LAMA3: variants seen among roughly 807,000 people sequenced by gnomAD.
LAMA3 encodes the protein laminin subunit alpha-3.
LAMA3 carries 281 observed loss-of-function variants against 402.0 expected under a neutral mutation model. The ratio of observed to expected loss-of-function variants is 0.70; its 90% CI spans 0.63 to 0.77. The LOEUF (loss-of-function observed/expected upper bound fraction) is 0.77, where lower values mean the gene tolerates loss of function less well. Among genes scored for constraint, LAMA3 ranks in the 30% least tolerant of loss-of-function variants. The pLI, the probability that LAMA3 is intolerant of heterozygous loss-of-function variation, is 0.00. For synonymous variants in LAMA3, 1,431 were observed against 1,558.4 expected (o/e 0.92, Z 1.93); for missense variants, 3,840 against 4,215.5 (o/e 0.91, Z 2.47).
At chr18:23,780,864 T>C (rs2062423554) in intron 11 of LAMA3, among the ~76,000 whole-genome samples, 1 of 152,162 alleles carries the variant, frequency 6.6e-6, no homozygotes, top group Non-Finnish European at 1.5e-5. Flanking sequence ...TGTCAAGGGA[T>C]TTAAAACTGG....
At chr18:23,911,014 C>CGCAGAGACTCAGAGA (rs1555735991) in intron 55 of LAMA3, among the ~76,000 whole-genome samples, 2 of 150,508 alleles carry the variant, frequency 1.3e-5, no homozygotes, top group African/African-American at 4.9e-5. Context: ...CCAGTTCTGT[C>CGCAGAGACTCAGAGA]AGTCATGTTC....
intron 25 of LAMA3, among the ~76,000 whole-genome samples, chr18:23,838,473 A>G (rs948234250): frequency 2.0e-5 from 3 of 152,216 alleles, no homozygotes; most frequent in African/African-American, 7.2e-5. Flanking sequence ...ACAGAAAAAA[A>G]CAGGCACTGG....
chr18:23,750,432 GTTTTTTTTTTTTTTTTTT>G (rs66582854), intron 4 of LAMA3, among the ~76,000 whole-genome samples: 28 of 33,028 alleles, frequency 8.5e-4, no homozygotes, highest in East Asian at 2.0e-3. Context: ...GGTTTACACA[GTTTTTTTTTTTTTTTTTT>G]TTTTTTTTTT....
intron 34 of LAMA3, 66 bp from the exon 35 acceptor site, chr18:23,861,580 C>G: frequency 1.3e-6 from 2 of 1,568,060 alleles, no homozygotes; most frequent in Non-Finnish European, 1.8e-6. Flanking sequence ...GTACATCATG[C>G]ACCCATCACC....
chr18:23,914,991 G>A, intron 58 of LAMA3, 131 bp downstream of exon 58: 1 of 804,406 alleles, frequency 1.2e-6, no homozygotes, highest in East Asian at 2.7e-5. Context: ...ACATTCTAGA[G>A]ATACTAGCTA....
Position 23,690,024 on chromosome 18 carries a change from G to T in LAMA3, c.294+47G>T, listed in dbSNP as rs117044923. ...GGGGTGGGCGCGCCTTTTCCTTCCC[G>T]CGCCGGCCAGACACCCGGAGAAGGG... On this transcript the variant is annotated intron_variant, in intron 1 of 74. Coordinates refer to ENST00000313654, the MANE Select transcript of LAMA3 (RefSeq NM_198129.4). 37,581 of 1,330,512 alleles carry T rather than the reference G, an allele frequency of 0.028. 1,508 individuals carry two copies. The highest frequency in any genetic ancestry group is 0.2 in the Admixed American group (6,372 of 32,160). 82.4% of individuals were successfully genotyped at this position (1,330,512 alleles called of 1,614,324 possible).
chr18:23,871,183 A>T (rs2064506472), intron 37 of LAMA3, among the ~76,000 whole-genome samples: 1 of 152,128 alleles, frequency 6.6e-6, no homozygotes, highest in African/African-American at 2.4e-5. Context: ...GACACTGGGA[A>T]TTTTATTTCA....
At chr18:23,706,988 G>T (rs969906472) in intron 1 of LAMA3, among the ~76,000 whole-genome samples, 1 of 152,220 alleles carries the variant, frequency 6.6e-6, no homozygotes, top group African/African-American at 2.4e-5. Context: ...TGAGGCAGGA[G>T]AATCACTTAA....
chr18:23,920,703 T>C (rs1040523915), intron 60 of LAMA3, among the ~76,000 whole-genome samples: 1 of 152,162 alleles, frequency 6.6e-6, no homozygotes, highest in Non-Finnish European at 1.5e-5. Flanking sequence ...ATAGCTAGCA[T>C]TTATTGTGTC....
At chr18:23,831,531 C>G (rs190528191) in intron 23 of LAMA3, among the ~76,000 whole-genome samples, 11 of 152,236 alleles carry the variant, frequency 7.2e-5, no homozygotes, top group African/African-American at 1.9e-4. Context: ...TTCAAGGAAG[C>G]CTTCCGCTCT....
rs758233084 is a variant in LAMA3 at position 23,775,907 on chromosome 18, T to C, written c.1389T>C (p.Asn463=). Residue 463 remains asparagine, a synonymous_variant, in exon 10 of 75, where the codon AAT becomes AAC. Transcript: ENST00000313654. ...AGAAGTGTGCAATTGGATACTACAATTTCCCATTTTGCTTGAGTAAGTACC... is the reference window on the plus strand; with the variant it reads ...AGAAGTGTGCAATTGGATACTACAACTTCCCATTTTGCTTGAGTAAGTACC... ...NCEKCAIGYY[N]FPFCLRIPIF... is the part of the protein sequence containing the mutation. 6.2e-6 allele frequency: 10 copies of C among 1,614,012 alleles called. No individual in the cohort carries two copies. The highest frequency in any genetic ancestry group is 1.3e-5 in the African/African-American group (1 of 74,916).
chr18:23,704,931 G>T (rs2060858429), intron 1 of LAMA3, among the ~76,000 whole-genome samples: 1 of 152,174 alleles, frequency 6.6e-6, no homozygotes, highest in African/African-American at 2.4e-5. Flanking sequence ...AAAAAGGGTA[G>T]GTCATTCTGT....
chr18:23,847,840 C>T (rs2063854962), intron 32 of LAMA3, among the ~76,000 whole-genome samples, 172 bp downstream of exon 32: 1 of 152,214 alleles, frequency 6.6e-6, no homozygotes, highest in Non-Finnish European at 1.5e-5. Flanking sequence ...TGATTGGTCC[C>T]TTAGGCTCAG....
intron 7 of LAMA3, among the ~76,000 whole-genome samples, chr18:23,762,184 C>T (rs1381335620): frequency 6.6e-6 from 1 of 151,932 alleles, no homozygotes; most frequent in Non-Finnish European, 1.5e-5. Context: ...CCACTACACT[C>T]CATCTGGGTG....
At chr18:23,903,408 C>T (rs925347604) in intron 49 of LAMA3, among the ~76,000 whole-genome samples, 3 of 152,158 alleles carry the variant, frequency 2.0e-5, no homozygotes, top group African/African-American at 4.8e-5. Context: ...ATCAAGCATA[C>T]AAGCATTTAT....
At chr18:23,712,817 C>G (rs886798137) in intron 1 of LAMA3, among the ~76,000 whole-genome samples, 13 of 151,388 alleles carry the variant, frequency 8.6e-5, no homozygotes, top group African/African-American at 2.9e-4. Flanking sequence ...ACAGCACATT[C>G]CTTGGGAGGC....
chr18:23,700,087 T>C (rs2060764279), intron 1 of LAMA3, among the ~76,000 whole-genome samples: 1 of 152,202 alleles, frequency 6.6e-6, no homozygotes, highest in African/African-American at 2.4e-5. Flanking sequence ...ATATTTTATT[T>C]ATCCTTATCT....
At chr18:23,904,357 G>A (rs115332236) in intron 50 of LAMA3, among the ~76,000 whole-genome samples, 196 bp from the exon 51 acceptor site, 465 of 152,084 alleles carry the variant, frequency 3.1e-3, no homozygotes, top group African/African-American at 0.011. Flanking sequence ...CTGGGCTCAA[G>A]TTGATGGCAC....
chr18:23,898,765 A>C lies in LAMA3; in HGVS notation c.5641A>C (p.Ile1881Leu). 1 of 1,609,754 alleles carries C rather than the reference A, an allele frequency of 6.2e-7. No individual in the cohort carries two copies. Among genetic ancestry groups the C allele is most frequent in the African/African-American group, 1.3e-5 (1 of 74,978 alleles). Reference sequence around the variant, plus strand: ...TCAGTTGCTCAACTACCGTTCTGCCATTTCAAATCATGGATCAAAAATAGA... The same window carrying C: ...TCAGTTGCTCAACTACCGTTCTGCCCTTTCAAATCATGGATCAAAAATAGA... The part of the protein sequence containing the change: ...RNQLLNYRSA[I>L]SNHGSKIEGL... The change falls in exon 45 of 75, where the codon ATT becomes CTT. Residue 1881 changes from isoleucine (I) to leucine (L), a missense_variant. This residue lies in a region of LAMA3 where 891 missense variants were observed against 857.5 expected (regional missense o/e 1.04). Coordinates refer to ENST00000313654, the MANE Select transcript of LAMA3 (RefSeq NM_198129.4).
Sources: gnomAD v4.1 joint callset for allele counts (sites outside exome capture counted in the v4.1 genomes callset) on GRCh38, gnomAD v4.1.1 for gene constraint, gnomAD v4.1.1 regional missense constraint, MANE v1.5 for transcripts, NCBI Gene and HGNC (gene_info 2026-07-23, HGNC 2026-07-21) for gene names.